STPG2: variants seen among roughly 807,000 people sequenced by gnomAD.
STPG2 encodes the protein sperm tail PG-rich repeat containing 2.
STPG2 carries 56 observed loss-of-function variants against 54.2 expected under a neutral mutation model. The ratio of observed to expected loss-of-function variants is 1.03; its 90% confidence interval spans 0.83 to 1.29. STPG2 has a LOEUF of 1.29. Ranked by LOEUF, STPG2 falls within the 50% of genes most tolerant of loss-of-function variation. The pLI is 0.00. For missense variants in STPG2, 596 were observed against 544.9 expected, an observed-to-expected ratio of 1.09 and a Z score of -0.93; for synonymous variants, 200 against 181.8, an observed-to-expected ratio of 1.10 and a Z score of -0.81.
intron 3 of STPG2, among the ~76,000 whole-genome samples, chr4:98,121,382 G>C (rs1267155447): frequency 6.6e-6 from 1 of 150,950 alleles, no homozygotes; most frequent in Non-Finnish European, 1.5e-5. Flanking sequence ...GACTCTTTTG[G>C]TTCCATATGA....
At chr4:98,080,597 C>G (rs958565433) in intron 5 of STPG2, among the ~76,000 whole-genome samples, 1 of 152,122 alleles carries the variant, frequency 6.6e-6, no homozygotes, top group Admixed American at 6.6e-5. Context: ...GTATGTGTAG[C>G]AGGCTATCAA....
intron 8 of STPG2, among the ~76,000 whole-genome samples, chr4:97,910,195 C>A (rs1360298094): frequency 2.6e-5 from 4 of 152,146 alleles, no homozygotes; most frequent in Admixed American, 2.6e-4. Flanking sequence ...CACTCACCAC[C>A]GGGTGCTGCA....
intron 8 of STPG2, among the ~76,000 whole-genome samples, chr4:97,867,237 C>T (rs1729825227): frequency 6.6e-6 from 1 of 151,982 alleles, no homozygotes; most frequent in South Asian, 2.1e-4. Flanking sequence ...TATAGATAAT[C>T]TCCTTTTCCT....
chr4:97,722,911 C>A (rs1365121346), intron 9 of STPG2, among the ~76,000 whole-genome samples: 1 of 150,388 alleles, frequency 6.6e-6, no homozygotes, highest in Non-Finnish European at 1.5e-5. Flanking sequence ...CATTCTCCTG[C>A]CTCAGCCTCC....
intron 8 of STPG2, among the ~76,000 whole-genome samples, chr4:97,845,214 T>A (rs1223245803): frequency 6.6e-6 from 1 of 152,028 alleles, no homozygotes. Flanking sequence ...ATTTTTTTTC[T>A]TTAATGAGAT....
intron 3 of STPG2, among the ~76,000 whole-genome samples, chr4:98,113,063 G>GAA (rs761426772): frequency 7.1e-6 from 1 of 140,450 alleles, no homozygotes. Context: ...TTGGCTAAAA[G>GAA]AAAAAAAAAA....
At chr4:97,700,114 T>G (rs529941778) in intron 10 of STPG2, among the ~76,000 whole-genome samples, 1 of 152,198 alleles carries the variant, frequency 6.6e-6, no homozygotes, top group Non-Finnish European at 1.5e-5. Flanking sequence ...TATCCACAGA[T>G]GGCAGGGCCT....
intron 8 of STPG2, among the ~76,000 whole-genome samples, chr4:97,903,807 G>A (rs1050599243): frequency 6.6e-6 from 1 of 152,184 alleles, no homozygotes; most frequent in Non-Finnish European, 1.5e-5. Flanking sequence ...GGGTCAGGGA[G>A]TTCCCTTTCC....
intron 5 of STPG2, among the ~76,000 whole-genome samples, chr4:98,057,780 A>G (rs1283176199): frequency 6.6e-6 from 1 of 152,178 alleles, no homozygotes; most frequent in East Asian, 1.9e-4. Context: ...GAAATAAAAG[A>G]AAGAATGTTA....
intron 8 of STPG2, among the ~76,000 whole-genome samples, chr4:97,871,536 T>C (rs1479211635): frequency 6.6e-6 from 1 of 151,174 alleles, no homozygotes; most frequent in African/African-American, 2.4e-5. Flanking sequence ...TTGATTTAAA[T>C]AAATTTGAAA....
chr4:97,618,239 G>T (rs1436429530), intron 10 of STPG2, among the ~76,000 whole-genome samples: 1 of 151,988 alleles, frequency 6.6e-6, no homozygotes, highest in Non-Finnish European at 1.5e-5. Flanking sequence ...GCGCCTTTTT[G>T]GGAAGCTTCC....
At chr4:97,920,829 CT>C (rs1419409616) in intron 8 of STPG2, among the ~76,000 whole-genome samples, 2 of 152,152 alleles carry the variant, frequency 1.3e-5, no homozygotes, top group Non-Finnish European at 2.9e-5. Flanking sequence ...TGTGTGTTAA[CT>C]TTTTTCATCT....
intron 9 of STPG2, among the ~76,000 whole-genome samples, chr4:97,795,690 T>C (rs1380570082): frequency 6.6e-6 from 1 of 152,218 alleles, no homozygotes. Context: ...AGCAGCATGA[T>C]TTATAATCCT....
chr4:97,913,039 TC>T (rs1731741166), intron 8 of STPG2, among the ~76,000 whole-genome samples: 1 of 152,242 alleles, frequency 6.6e-6, no homozygotes, highest in Admixed American at 6.5e-5. Context: ...ATGTCTATCT[TC>T]CAAGAATGCT....
chr4:98,118,773 G>T (rs1739591629), intron 3 of STPG2, among the ~76,000 whole-genome samples: 1 of 152,046 alleles, frequency 6.6e-6, no homozygotes, highest in South Asian at 2.1e-4. Context: ...CAGAAAGTAA[G>T]GAAATTTTCA....
chr4:98,121,812 C>G (rs1210918593), intron 3 of STPG2, among the ~76,000 whole-genome samples: 1 of 152,018 alleles, frequency 6.6e-6, no homozygotes, highest in Admixed American at 6.6e-5. Context: ...ACTTCCACCT[C>G]CAGGGTTCAA....
At chr4:97,844,006 A>T (rs1043304686) in intron 8 of STPG2, among the ~76,000 whole-genome samples, 2 of 151,776 alleles carry the variant, frequency 1.3e-5, no homozygotes, top group Admixed American at 6.6e-5. Flanking sequence ...ATTTGTATGA[A>T]ATCGTGAGGT....
intron 9 of STPG2, among the ~76,000 whole-genome samples, chr4:97,789,654 A>C (rs1726932343): frequency 6.6e-6 from 1 of 152,214 alleles, no homozygotes. Context: ...TTTATATAAA[A>C]ACTAAAATTA....
chr4:97,605,075 A>G (rs752290123), intron 10 of STPG2, among the ~76,000 whole-genome samples: 62 of 151,748 alleles, frequency 4.1e-4, no homozygotes, highest in Non-Finnish European at 2.8e-4. Context: ...ATTAAAGAAC[A>G]ATGCTTAATT....
Sources: allele counts gnomAD v4.1 joint callset (sites outside exome capture counted in the v4.1 genomes callset), GRCh38; gene constraint gnomAD v4.1.1; transcripts MANE v1.5; gene names NCBI Gene and HGNC (gene_info 2026-07-23, HGNC 2026-07-21).